Variants in FOLH1 observed in about 807,000 individuals in gnomAD.
FOLH1 encodes the protein folate hydrolase 1, also known as glutamate carboxypeptidase 2.
In FOLH1, 54 loss-of-function variants were observed where a neutral mutation model predicts 93.9. The ratio of observed to expected loss-of-function variants is 0.57; its 90% confidence interval spans 0.46 to 0.72. FOLH1 has a LOEUF of 0.72. Among genes scored for constraint, FOLH1 ranks in the 30% least tolerant of loss-of-function variants. The probability of loss-of-function intolerance (pLI) is 0.00; values close to 1 mark genes in which losing one functional copy is unlikely to be tolerated. For synonymous variants in FOLH1, 249 were observed against 303.6 expected (o/e 0.82, Z 1.87); for missense variants, 571 against 892.5 (o/e 0.64, Z 4.59).
intron 3 of FOLH1, among the ~76,000 whole-genome samples, chr11:49,193,305 T>C (rs1862270300): frequency 6.6e-6 from 1 of 152,196 alleles, no homozygotes; most frequent in Non-Finnish European, 1.5e-5. Flanking sequence ...TTATTTTTTG[T>C]AAGTGGCATA....
chr11:49,203,968 G>GTTA (rs1863559283), intron 2 of FOLH1, among the ~76,000 whole-genome samples: 1 of 152,176 alleles, frequency 6.6e-6, no homozygotes, highest in East Asian at 1.9e-4. Flanking sequence ...ACTGAATGCA[G>GTTA]ACTCCAGGGA....
Position 49,169,229 on chromosome 11 carries a change from G to T in FOLH1, c.1338C>A (p.Gly446=). The T allele has an allele frequency of 3.7e-6, 6 of 1,613,088 alleles. No individual in the cohort carries two copies. The highest frequency in any genetic ancestry group is 5.1e-6 in the Non-Finnish European group (6 of 1,179,330). Reference sequence around the variant, plus strand: ...ATGAGTCAGCATTAATATAAGCCACGCCACGCTCTTGAAGGAGTCTTGAAT... The same window carrying T: ...ATGAGTCAGCATTAATATAAGCCACTCCACGCTCTTGAAGGAGTCTTGAAT... ...EENSRLLQER[G]VAYINADSSI... The change falls in exon 12 of 19, where the codon GGC becomes GGA. Residue 446 remains glycine (G), a synonymous_variant. Transcript: ENST00000256999.
At chr11:49,206,040 C>A in intron 2 of FOLH1, 27 bp downstream of exon 2, 2 of 1,589,218 alleles carry the variant, frequency 1.3e-6, no homozygotes, top group South Asian at 1.2e-5. Context: ...ACAACTTGTC[C>A]ATATAAACTT....
chr11:49,184,739 A>G (rs1861179414), intron 6 of FOLH1, among the ~76,000 whole-genome samples: 1 of 152,264 alleles, frequency 6.6e-6, no homozygotes, highest in Non-Finnish European at 1.5e-5. Flanking sequence ...AAAGTATTTT[A>G]TACAAGTTTT....
At chr11:49,162,550 G>A (rs1366523460) in intron 13 of FOLH1, among the ~76,000 whole-genome samples, 1 of 152,044 alleles carries the variant, frequency 6.6e-6, no homozygotes, top group Non-Finnish European at 1.5e-5. Flanking sequence ...CTTTACCTCA[G>A]TAAACTTTGT....
Position 49,200,312 on chromosome 11 carries a change from G to C in FOLH1, c.354C>G (p.Ser118=), listed in dbSNP as rs767438602. 12 of 1,611,400 alleles carry C rather than the reference G, an allele frequency of 7.4e-6. No homozygotes were observed. The Admixed American group carries it at 2.0e-4, about 27-fold the overall frequency. ...VELAHYDVLL[S]YPNKTHPNYI... ...AGTTGGGATGAGTCTTATTTGGGTAGGACAACAGGACATCATAATGTGCTA... is the reference window on the plus strand; with the variant it reads ...AGTTGGGATGAGTCTTATTTGGGTACGACAACAGGACATCATAATGTGCTA... Residue 118 remains serine (S), a synonymous_variant, in exon 3 of 19, where the codon TCC becomes TCG. Transcript: ENST00000256999.
intron 4 of FOLH1, among the ~76,000 whole-genome samples, chr11:49,190,418 T>C (rs1861903759): frequency 6.6e-6 from 1 of 152,242 alleles, no homozygotes; most frequent in South Asian, 2.1e-4. Flanking sequence ...GTACCATCCA[T>C]TGTTCTATGA....
chr11:49,165,702 G>T (rs1369701144), intron 12 of FOLH1, among the ~76,000 whole-genome samples: 2 of 152,202 alleles, frequency 1.3e-5, no homozygotes, highest in Non-Finnish European at 2.9e-5. Context: ...ACACTCAGAG[G>T]ATGGCAACTA....
intron 7 of FOLH1, among the ~76,000 whole-genome samples, chr11:49,176,786 A>C (rs1307136108): frequency 6.8e-6 from 1 of 147,926 alleles, no homozygotes; most frequent in Non-Finnish European, 1.5e-5. Flanking sequence ...AGGCAAAAAC[A>C]GACTTCTTTG....
intron 14 of FOLH1, 69 bp downstream of exon 14, chr11:49,157,883 A>C: frequency 1.4e-6 from 2 of 1,391,266 alleles, no homozygotes; most frequent in Non-Finnish European, 1.9e-6. Flanking sequence ...AATGATTGAA[A>C]GAAAATGTGC....
chr11:49,185,907 T>G, intron 5 of FOLH1, 52 bp from the exon 6 acceptor site: 1 of 1,497,496 alleles, frequency 6.7e-7, no homozygotes, highest in East Asian at 2.4e-5. Flanking sequence ...TGTTCCAGAT[T>G]CGGTAATATC....
At chr11:49,150,875 A>T (rs1856434844) in intron 17 of FOLH1, among the ~76,000 whole-genome samples, 1 of 152,212 alleles carries the variant, frequency 6.6e-6, no homozygotes, top group South Asian at 2.1e-4. Flanking sequence ...TTGTTCATTA[A>T]TTTACTTCTT....
At position 49,145,133 on chromosome 11, in the gene FOLH1, TC is replaced by T. The variant is rs1855730600; in HGVS notation, c.*1622del. On this transcript the variant is annotated 3_prime_UTR_variant, in exon 19 of 19. Coordinates refer to ENST00000256999, the MANE Select transcript of FOLH1 (RefSeq NM_004476.3). ...AATACATTTTATTATTCACCAGTTA[TC>T]CAAATTTGGGTTATCCACTCCAAAC... Among the ~76,000 whole-genome samples, 1 of 152,170 alleles carries T rather than the reference TC, an allele frequency of 6.6e-6. No individual in the cohort carries two copies. Among genetic ancestry groups the T allele is most frequent in the African/African-American group, 2.4e-5 (1 of 41,446 alleles).
chr11:49,175,132 C>A (rs1379058236), intron 8 of FOLH1, among the ~76,000 whole-genome samples, 155 bp from the exon 9 acceptor site: 1 of 152,114 alleles, frequency 6.6e-6, no homozygotes, highest in Non-Finnish European at 1.5e-5. Flanking sequence ...TACAAACTTA[C>A]TAACACACCA....
In FOLH1 at chr11:49,145,619, C is replaced by A. The variant is rs1341735675; in HGVS notation, c.*1137G>T. On this transcript the variant is annotated 3_prime_UTR_variant, in exon 19 of 19. Coordinates refer to ENST00000256999, the MANE Select transcript of FOLH1 (RefSeq NM_004476.3). ...TTCAAGGGCAACACTACAGCGACTTCTTAACTTTGAGCGAGGCCACAATGT... is the reference window on the plus strand; with the variant it reads ...TTCAAGGGCAACACTACAGCGACTTATTAACTTTGAGCGAGGCCACAATGT... 6.6e-6 allele frequency among the ~76,000 whole-genome samples: 1 copy of A among 152,166 alleles called. No homozygotes were observed. Among genetic ancestry groups the A allele is most frequent in the East Asian group, 1.9e-4 (1 of 5,178 alleles).
intron 7 of FOLH1, among the ~76,000 whole-genome samples, chr11:49,180,460 C>T (rs1194852295): frequency 2.0e-5 from 3 of 152,212 alleles, no homozygotes; most frequent in Non-Finnish European, 2.9e-5. Flanking sequence ...ACATCACTCA[C>T]ATTTCATCAA....
At chr11:49,178,170 G>A (rs193043037) in intron 7 of FOLH1, among the ~76,000 whole-genome samples, 224 of 152,240 alleles carry the variant, frequency 1.5e-3, no homozygotes, top group African/African-American at 5.0e-3. Flanking sequence ...GACACACCTG[G>A]TCTAACCAGT....
At position 49,187,225 on chromosome 11, in the gene FOLH1, G is replaced by T. The variant is rs547815873; in HGVS notation, c.514-456C>A. 4.6e-5 allele frequency among the ~76,000 whole-genome samples: 7 copies of T among 152,266 alleles called. No individual in the cohort carries two copies. In the South Asian group the frequency reaches 1.2e-3, roughly 27 times the overall value. On this transcript the variant is annotated intron_variant, in intron 4 of 18. Transcript: ENST00000256999. ...AGAAAAATGCACAGGTAACATCATTGCTTCACAGGTCTGATTTCAATCATT... is the reference window on the plus strand; with the variant it reads ...AGAAAAATGCACAGGTAACATCATTTCTTCACAGGTCTGATTTCAATCATT...
intron 4 of FOLH1, among the ~76,000 whole-genome samples, chr11:49,187,533 T>G (rs1440361829): frequency 6.6e-6 from 1 of 151,958 alleles, no homozygotes; most frequent in East Asian, 1.9e-4. Context: ...TGTATTTATT[T>G]ACTATTCAAC....
Sources: gnomAD v4.1 joint callset for allele counts (sites outside exome capture counted in the v4.1 genomes callset) on GRCh38, gnomAD v4.1.1 for gene constraint, MANE v1.5 for transcripts, NCBI Gene and HGNC (gene_info 2026-07-23, HGNC 2026-07-21) for gene names.